Variants in PRMT9 observed in about 807,000 individuals in gnomAD.
PRMT9 encodes protein arginine methyltransferase 9.
In PRMT9, 59 loss-of-function variants were observed where a neutral mutation model predicts 83.2. That is an observed-to-expected ratio of 0.71 (90% CI 0.57 to 0.88). The LOEUF is 0.88. Ranked by LOEUF, PRMT9 falls within the 40% of genes least tolerant of loss-of-function variation. The pLI is 0.00. For synonymous variants in PRMT9, 333 were observed against 353.2 expected, an observed-to-expected ratio of 0.94 and a Z score of 0.64; for missense variants, 947 against 1,021.9, an observed-to-expected ratio of 0.93 and a Z score of 1.00.
chr4:147,662,987 T>C (rs1275248326), intron 6 of PRMT9, among the ~76,000 whole-genome samples: 1 of 151,892 alleles, frequency 6.6e-6, no homozygotes, highest in African/African-American at 2.4e-5. Context: ...AAAAGATGAA[T>C]CAGCAAATGG....
At chr4:147,643,850 G>C (rs1560967291) in intron 9 of PRMT9, among the ~76,000 whole-genome samples, 1 of 152,150 alleles carries the variant, frequency 6.6e-6, no homozygotes, top group African/African-American at 2.4e-5. Flanking sequence ...AAACTAGCCA[G>C]GTGTGGTGGT....
At chr4:147,649,150 CAGAG>C (rs143527864) in intron 9 of PRMT9, among the ~76,000 whole-genome samples, 14 of 143,680 alleles carry the variant, frequency 9.7e-5, no homozygotes, top group African/African-American at 2.3e-4. Flanking sequence ...TGGCAGAGGG[CAGAG>C]AGAGAGAGAG....
rs1412467738 is a variant in PRMT9 at position 147,658,547 on chromosome 4, A to AAGGCAC, written c.1147-573_1147-572insGTGCCT. 1.5e-4 allele frequency among the ~76,000 whole-genome samples: 23 copies of AAGGCAC among 152,332 alleles called. No homozygotes were observed. In the East Asian group the frequency reaches 4.4e-3, roughly 29 times the overall value. On this transcript the variant is annotated intron_variant, in intron 7 of 11. Transcript: ENST00000322396. ...ACAGGCAGGCATGACTTTTGAAATT[A>AAGGCAC]AAACCTTAGTAAGATTTGTGTGTGG... is the stretch of plus-strand genomic sequence containing the variant.
chr4:147,638,884 G>T, intron 11 of PRMT9, 76 bp downstream of exon 11: 2 of 1,410,114 alleles, frequency 1.4e-6, no homozygotes, highest in Non-Finnish European at 2.0e-6. Context: ...CTAAAAGTAT[G>T]TATAAAAGTA....
chr4:147,680,496 G>C, intron 1 of PRMT9, 25 bp from the exon 2 acceptor site: 1 of 1,537,368 alleles, frequency 6.5e-7, no homozygotes, highest in Non-Finnish European at 9.0e-7. Context: ...AAAAAATTAT[G>C]AATTAGTCAA....
chr4:147,645,902 C>T (rs1293087833), intron 9 of PRMT9, among the ~76,000 whole-genome samples: 5 of 152,146 alleles, frequency 3.3e-5, no homozygotes, highest in Non-Finnish European at 2.9e-5. Flanking sequence ...CTAAATGTAA[C>T]GACATGATCC....
In PRMT9 at chr4:147,654,381, G is replaced by A; in HGVS notation, c.1516C>T (p.Leu506Phe). The change falls in exon 9 of 12, where the codon CTT (leucine) becomes TTT (phenylalanine). Residue 506 changes from leucine (L) to phenylalanine (F), a missense_variant. Transcript: ENST00000322396. ...EAELCSALAN[L>F]QTSKPDAVEQ... ...ACAGCATCTGGTTTACTGGTCTGAAGGTTAGCGAGGGCACTACAAAGTTCA... is the reference window on the plus strand; with the variant it reads ...ACAGCATCTGGTTTACTGGTCTGAAAGTTAGCGAGGGCACTACAAAGTTCA... 1 of 1,614,172 alleles carries A rather than the reference G, an allele frequency of 6.2e-7. No homozygotes were observed. Among genetic ancestry groups the A allele is most frequent in the South Asian group, 1.1e-5 (1 of 91,078 alleles).
intron 9 of PRMT9, among the ~76,000 whole-genome samples, chr4:147,650,780 A>T (rs1734040388): frequency 6.6e-6 from 1 of 152,246 alleles, no homozygotes; most frequent in East Asian, 1.9e-4. Flanking sequence ...ACTGGTATAA[A>T]GACAGACATA....
At chr4:147,666,823 T>TA (rs67002013) in intron 6 of PRMT9, among the ~76,000 whole-genome samples, 12,129 of 126,398 alleles carry the variant, frequency 0.096, 1,284 homozygotes, top group African/African-American at 0.26. Context: ...GAACTTTGTT[T>TA]AAAAAAAAAA....
chr4:147,654,110 A>G lies in PRMT9; in HGVS notation c.1787T>C (p.Val596Ala). 6.2e-7 allele frequency: 1 copy of G among 1,614,212 alleles called. No homozygotes were observed. Among genetic ancestry groups the G allele is most frequent in the South Asian group, 1.1e-5 (1 of 91,084 alleles). Residue 596 changes from valine to alanine, a missense_variant, in exon 9 of 12, where the codon GTT (valine) becomes GCT (alanine). Transcript: ENST00000322396. ...AACCTGCCCAAGTGTGCCAGCAATA[A>G]CAGGCAGAACAGAGAAGCCTTCGGA... Reference protein sequence around the residue: ...DVSEGFSVLPVIAGTLGQVKP... With the variant: ...DVSEGFSVLPAIAGTLGQVKP...
In PRMT9 at chr4:147,673,716, T is replaced by C. The variant is rs920591778; in HGVS notation, c.497A>G (p.Tyr166Cys). 5 of 1,614,044 alleles carry C rather than the reference T, an allele frequency of 3.1e-6. No homozygotes were observed. Among genetic ancestry groups the C allele is most frequent in the African/African-American group, 1.3e-5 (1 of 74,940 alleles). The change falls in exon 3 of 12, where the codon TAT becomes TGT. Residue 166 changes from tyrosine (Y) to cysteine (C), a missense_variant. Physicochemically the swap from Tyr to Cys is radical, Grantham distance 194. Transcript: ENST00000322396. ...AACTGCCTTTTGGATTGCTGCATTA[T>C]AAATTGTATTCCTCTTGGTGTCATT... ...MLNDTKRNTI[Y>C]NAAIQKAVCL...
intron 2 of PRMT9, among the ~76,000 whole-genome samples, chr4:147,674,643 A>G (rs1432252626): frequency 6.6e-6 from 1 of 152,202 alleles, no homozygotes; most frequent in Admixed American, 6.5e-5. Context: ...TCCCTTTCTT[A>G]AACATCTAAT....
rs183952880 is a variant in PRMT9 at position 147,672,984 on chromosome 4, C to G, written c.718G>C (p.Glu240Gln). The G allele has an allele frequency of 1.9e-5, 31 of 1,613,868 alleles. 1 individual carries two copies. The East Asian group carries it at 6.7e-4, about 35-fold the overall frequency. The change falls in exon 4 of 12, where the codon GAG becomes CAG. Residue 240 changes from glutamate to glutamine, a missense_variant. Glu to Gln is a conservative substitution (Grantham distance 29, BLOSUM62 2). Coordinates refer to ENST00000322396, the MANE Select transcript of PRMT9 (RefSeq NM_138364.4). ...CTTTCGGGAATATGTTTTGGAATCT[C>G]TATGTCAAGTGACTTCGTATGTAAG... ...KLLHTKSLDI[E>Q]IPKHIPERVS...
intron 2 of PRMT9, among the ~76,000 whole-genome samples, chr4:147,680,031 T>C (rs1358804326): frequency 2.6e-5 from 4 of 152,206 alleles, no homozygotes; most frequent in Non-Finnish European, 5.9e-5. Context: ...ACAGTGACTT[T>C]TCTGCCATCC....
At chr4:147,654,745 C>G (rs1482858104) in intron 8 of PRMT9, among the ~76,000 whole-genome samples, 179 bp from the exon 9 acceptor site, 1 of 152,114 alleles carries the variant, frequency 6.6e-6, no homozygotes, top group Non-Finnish European at 1.5e-5. Context: ...TAGGGAAAAA[C>G]TGAAATTTGA....
At position 147,673,678 on chromosome 4, in the gene PRMT9, T is replaced by C. The variant is rs1463128138; in HGVS notation, c.535A>G (p.Lys179Glu). The C allele has an allele frequency of 6.2e-7, 1 of 1,614,038 alleles. No individual in the cohort carries two copies. Among genetic ancestry groups the C allele is most frequent in the African/African-American group, 1.3e-5 (1 of 75,040 alleles). The change falls in exon 3 of 12, where the codon AAA becomes GAA. Residue 179 changes from lysine (K) to glutamate (E), a missense_variant. Transcript: ENST00000322396. The stretch of plus-strand genomic sequence containing the variant: ...CCTGCTCCAATGTCCAAAACACTTT[T>C]GGACCCCAAACAAACTGCCTTTTGG... ...AIQKAVCLGS[K>E]SVLDIGAGTG...
intron 2 of PRMT9, among the ~76,000 whole-genome samples, chr4:147,675,768 TTTTTC>T (rs1736030097): frequency 6.6e-6 from 1 of 152,182 alleles, no homozygotes; most frequent in African/African-American, 2.4e-5. Flanking sequence ...CAGAATGCCC[TTTTTC>T]TTTTAACTAG....
At chr4:147,653,485 T>C (rs1734264020) in intron 9 of PRMT9, among the ~76,000 whole-genome samples, 1 of 151,446 alleles carries the variant, frequency 6.6e-6, no homozygotes, top group Admixed American at 6.6e-5. Flanking sequence ...TTTCAAAATA[T>C]GGTTCTCCAC....
At chr4:147,673,503 A>C in intron 3 of PRMT9, 135 bp downstream of exon 3, 1 of 709,436 alleles carries the variant, frequency 1.4e-6, no homozygotes, top group Non-Finnish European at 2.4e-6. Context: ...AAAAAACATA[A>C]TAGTTACATA....
Sources: gnomAD v4.1 joint callset for allele counts (sites outside exome capture counted in the v4.1 genomes callset) on GRCh38, gnomAD v4.1.1 for gene constraint, MANE v1.5 for transcripts, NCBI Gene and HGNC (gene_info 2026-07-23, HGNC 2026-07-21) for gene names.